The following WDFY2 variants were observed in gnomAD, a reference collection of about 807,000 sequenced individuals.
WDFY2 encodes WD repeat and FYVE domain containing 2.
WDFY2 carries 36 observed loss-of-function variants against 56.4 expected under a neutral mutation model. That is an observed-to-expected ratio of 0.64 (90% CI 0.49 to 0.84). The LOEUF (loss-of-function observed/expected upper bound fraction) is 0.84, where lower values mean the gene tolerates loss of function less well. WDFY2 is among the 40% of genes least tolerant of loss of function. The pLI is 0.00. For synonymous variants in WDFY2, 176 were observed against 183.7 expected, an observed-to-expected ratio of 0.96 and a Z score of 0.34; for missense variants, 444 against 512.2, an observed-to-expected ratio of 0.87 and a Z score of 1.29.
At chr13:51,684,442 T>C (rs1458590738) in intron 3 of WDFY2, among the ~76,000 whole-genome samples, 4 of 151,916 alleles carry the variant, frequency 2.6e-5, no homozygotes, top group Non-Finnish European at 5.9e-5. Flanking sequence ...CTTTCTCTGT[T>C]AGAGCCTTAG....
In WDFY2 at chr13:51,755,388, C is replaced by T; in HGVS notation, c.862C>T (p.Gln288Ter). The change falls in exon 9 of 12, where the codon CAA becomes TAA. Residue 288 changes from glutamine to a stop codon, truncating the protein, a stop_gained. Coordinates refer to ENST00000298125, the MANE Select transcript of WDFY2 (RefSeq NM_052950.4). LOFTEE classifies it high-confidence loss of function. ...TGAATGGTTGGACAGTGATTCCTGC[C>T]AAAAGTGTGATCAGCCTTTCTTCTG... Reference protein sequence around the residue: ...TPEWLDSDSCQKCDQPFFWNF... With the variant: ...TPEWLDSDSC 6.2e-7 allele frequency: 1 copy of T among 1,614,120 alleles called. No individual in the cohort carries two copies. The highest frequency in any genetic ancestry group is 2.2e-5 in the East Asian group (1 of 44,886).
intron 1 of WDFY2, among the ~76,000 whole-genome samples, chr13:51,626,248 G>T (rs1283241999): frequency 6.6e-6 from 1 of 152,180 alleles, no homozygotes; most frequent in African/African-American, 2.4e-5. Context: ...TTGTACAATA[G>T]AAAGAAGATA....
At chr13:51,672,592 G>A (rs1955826130) in intron 2 of WDFY2, among the ~76,000 whole-genome samples, 1 of 152,154 alleles carries the variant, frequency 6.6e-6, no homozygotes, top group Non-Finnish European at 1.5e-5. Context: ...GAATGATGGT[G>A]CTATTTTGAT....
At chr13:51,716,610 G>A (rs1952353700) in intron 4 of WDFY2, among the ~76,000 whole-genome samples, 1 of 146,756 alleles carries the variant, frequency 6.8e-6, no homozygotes, top group Non-Finnish European at 1.5e-5. Flanking sequence ...GGAGAATGGC[G>A]TGAACCCGGG....
chr13:51,750,546 A>T (rs1953208734), intron 7 of WDFY2, among the ~76,000 whole-genome samples: 1 of 151,558 alleles, frequency 6.6e-6, no homozygotes, highest in Non-Finnish European at 1.5e-5. Flanking sequence ...ACAAAAAAAA[A>T]AAAAAGACCA....
intron 6 of WDFY2, 70 bp downstream of exon 6, chr13:51,727,860 T>C (rs1952638918): frequency 4.2e-6 from 6 of 1,441,542 alleles, no homozygotes; most frequent in Non-Finnish European, 5.8e-6. Context: ...TCTCCTGATG[T>C]TCAGATATGT....
chr13:51,612,735 C>T (rs1225011449), intron 1 of WDFY2, among the ~76,000 whole-genome samples: 3 of 152,186 alleles, frequency 2.0e-5, no homozygotes, highest in Non-Finnish European at 4.4e-5. Context: ...TGACCATATA[C>T]ATTATGTTCT....
At chr13:51,753,883 G>A (rs1420200616) in intron 8 of WDFY2, among the ~76,000 whole-genome samples, 1 of 151,600 alleles carries the variant, frequency 6.6e-6, no homozygotes, top group Non-Finnish European at 1.5e-5. Flanking sequence ...TCAAGAGTTT[G>A]AGACCAGCCT....
intron 1 of WDFY2, among the ~76,000 whole-genome samples, chr13:51,623,822 A>C (rs1169471198): frequency 6.7e-6 from 1 of 149,842 alleles, no homozygotes; most frequent in East Asian, 1.9e-4. Context: ...TTCTTCCACA[A>C]CAGGCAGTTT....
At chr13:51,622,351 G>A (rs1694411321) in intron 1 of WDFY2, among the ~76,000 whole-genome samples, 2 of 151,034 alleles carry the variant, frequency 1.3e-5, no homozygotes, top group African/African-American at 4.9e-5. Flanking sequence ...TTTTATTTTA[G>A]CCTTGTGAAT....
intron 3 of WDFY2, among the ~76,000 whole-genome samples, chr13:51,689,545 A>G (rs549434703): frequency 1.3e-5 from 2 of 152,214 alleles, no homozygotes; most frequent in African/African-American, 4.8e-5. Flanking sequence ...ACATATGCCC[A>G]TCTTAGAAAT....
intron 8 of WDFY2, 143 bp downstream of exon 8, chr13:51,751,558 T>C: frequency 3.7e-6 from 3 of 818,880 alleles, no homozygotes; most frequent in Non-Finnish European, 5.9e-6. Context: ...GTTGTTTGGG[T>C]TGTTTTTTTT....
chr13:51,587,023 A>G (rs1363033587), intron 1 of WDFY2: 1 of 152,206 alleles, frequency 6.6e-6, no homozygotes, highest in Non-Finnish European at 1.5e-5. Flanking sequence ...TGAAAATGTA[A>G]TATTGATTTT....
chr13:51,689,531 T>G (rs1414630778), intron 3 of WDFY2, among the ~76,000 whole-genome samples: 1 of 152,176 alleles, frequency 6.6e-6, no homozygotes, highest in African/African-American at 2.4e-5. Context: ...TTCCATGTAG[T>G]ATGACATATG....
At chr13:51,596,258 AAAATT>A (rs1326184072) in intron 1 of WDFY2, among the ~76,000 whole-genome samples, 4 of 152,230 alleles carry the variant, frequency 2.6e-5, no homozygotes, top group Non-Finnish European at 4.4e-5. Flanking sequence ...TCTAGAAAAT[AAAATT>A]AAATTAAGGA....
intron 3 of WDFY2, among the ~76,000 whole-genome samples, chr13:51,694,979 C>T (rs1388539627): frequency 1.3e-5 from 2 of 152,260 alleles, no homozygotes; most frequent in Non-Finnish European, 1.5e-5. Context: ...CGCATCGGCT[C>T]CTGAGGCTTC....
chr13:51,731,902 C>G (rs938768154), intron 6 of WDFY2, among the ~76,000 whole-genome samples: 2 of 152,168 alleles, frequency 1.3e-5, no homozygotes, highest in African/African-American at 4.8e-5. Flanking sequence ...GAAGGTCATA[C>G]AAAAATGTGG....
chr13:51,719,289 C>T lies in WDFY2; in HGVS notation c.426C>T (p.Cys142=), dbSNP rs943477347. The change falls in exon 5 of 12, where the codon TGC becomes TGT. Residue 142 remains cysteine (C), a synonymous_variant. Coordinates refer to ENST00000298125, the MANE Select transcript of WDFY2 (RefSeq NM_052950.4). Reference sequence around the variant, plus strand: ...AGGACAAGCAATTTGCCTGGCACTGCTCTGAGAGTGGGCAGCGCCTGGGAG... The same window carrying T: ...AGGACAAGCAATTTGCCTGGCACTGTTCTGAGAGTGGGCAGCGCCTGGGAG... The part of the protein sequence containing the change: ...TGQDKQFAWH[C]SESGQRLGGY... 1.9e-6 allele frequency: 3 copies of T among 1,614,006 alleles called. No homozygotes were observed. Among genetic ancestry groups the T allele is most frequent in the African/African-American group, 1.3e-5 (1 of 75,036 alleles).
intron 2 of WDFY2, among the ~76,000 whole-genome samples, chr13:51,663,024 G>A (rs545183145): frequency 9.9e-5 from 15 of 152,262 alleles, no homozygotes; most frequent in African/African-American, 3.4e-4. Flanking sequence ...AGGCTGGGCG[G>A]GTTAGATCAT....
Sources: allele counts gnomAD v4.1 joint callset (sites outside exome capture counted in the v4.1 genomes callset), GRCh38; gene constraint gnomAD v4.1.1; transcripts MANE v1.5; gene names NCBI Gene and HGNC (gene_info 2026-07-23, HGNC 2026-07-21).